The following ESS2 variants were observed in gnomAD, a reference collection of about 807,000 sequenced individuals.
ESS2 encodes ess-2 spliceosome associated protein.
ESS2 carries 31 observed loss-of-function variants against 52.0 expected under a neutral mutation model. That is an observed-to-expected ratio of 0.60 (90% CI 0.45 to 0.81). The LOEUF is 0.81. Among genes scored for constraint, ESS2 ranks in the 30% least tolerant of loss-of-function variants. The pLI, the probability that ESS2 is intolerant of heterozygous loss-of-function variation, is 0.00. For synonymous variants in ESS2, 285 were observed against 259.2 expected (o/e 1.10, Z -0.95); for missense variants, 602 against 637.2 (o/e 0.94, Z 0.59).
In ESS2 at chr22:19,143,022, T is replaced by C. The variant is rs1313585340; in HGVS notation, c.136-128A>G. ...AAGTTCAAGACCAGCCTGGCCAACATGGTGAAACCCAGTCTCTACTAGAAA... is the reference window on the plus strand; with the variant it reads ...AAGTTCAAGACCAGCCTGGCCAACACGGTGAAACCCAGTCTCTACTAGAAA... On this transcript the variant is annotated intron_variant, in intron 1 of 9. Transcript: ENST00000252137. 22 of 891,318 alleles carry C rather than the reference T, an allele frequency of 2.5e-5. No homozygotes were observed. The South Asian group carries it at 2.8e-4, about 11-fold the overall frequency. The allele number at this position is 891,318 out of a possible 1,614,324, so 55.2% of individuals were successfully genotyped here. A position where few individuals can be genotyped will look rare whatever the true frequency, so the allele number is the denominator to read the frequency against.
chr22:19,144,257 ATCT>A (rs1232875033), intron 1 of ESS2: 3 of 1,274,688 alleles, frequency 2.4e-6, no homozygotes, highest in Non-Finnish European at 3.0e-6. Flanking sequence ...TTAACAGAAA[ATCT>A]TCTTTCCCTG....
Position 19,142,659 on chromosome 22 carries a change from T to A in ESS2, c.305-26A>T, listed in dbSNP as rs372931223. The A allele has an allele frequency of 2.9e-5, 47 of 1,610,754 alleles. No homozygotes were observed. In the African/African-American group the frequency reaches 4.7e-4, roughly 16 times the overall value. ...CTAGGGGAAGAGAGGGGGATAAGAATTAGAGTGAGCCTGAAGCGACAGTTC... is the reference window on the plus strand; with the variant it reads ...CTAGGGGAAGAGAGGGGGATAAGAAATAGAGTGAGCCTGAAGCGACAGTTC... On this transcript the variant is annotated intron_variant, in intron 2 of 9. Coordinates refer to ENST00000252137, the MANE Select transcript of ESS2 (RefSeq NM_022719.3).
chr22:19,137,484 C>G, intron 7 of ESS2, 52 bp from the exon 8 acceptor site: 1 of 1,360,664 alleles, frequency 7.3e-7, no homozygotes, highest in Non-Finnish European at 1.0e-6. Context: ...CCCCACCACC[C>G]TCCCCTCCAG....
At position 19,134,162 on chromosome 22, in the gene ESS2, G is replaced by A. The variant is rs920211843; in HGVS notation, c.*34C>T. On this transcript the variant is annotated 3_prime_UTR_variant, in exon 10 of 10. Coordinates refer to ENST00000252137, the MANE Select transcript of ESS2 (RefSeq NM_022719.3). ...GGTGTACAGCTGCCCTGCAGGCTCTGTGAAGCGTCTATGAGCCCAGCCCAG... is the reference window on the plus strand; with the variant it reads ...GGTGTACAGCTGCCCTGCAGGCTCTATGAAGCGTCTATGAGCCCAGCCCAG... 6 of 1,479,648 alleles carry A rather than the reference G, an allele frequency of 4.1e-6. No individual in the cohort carries two copies. The highest frequency in any genetic ancestry group is 5.4e-6 in the Non-Finnish European group (6 of 1,115,184). 91.7% of individuals were successfully genotyped at this position (1,479,648 alleles called of 1,614,324 possible).
chr22:19,131,071 TGCA>T lies in ESS2; in HGVS notation c.*3122_*3124del. 9.9e-5 allele frequency: 28 copies of T among 283,280 alleles called. No individual in the cohort carries two copies. The highest frequency in any genetic ancestry group is 3.3e-4 in the South Asian group (5 of 15,310). The allele number at this position is 283,280 out of a possible 1,614,324, so 17.5% of individuals were successfully genotyped here. A position where few individuals can be genotyped will look rare whatever the true frequency, so the allele number is the denominator to read the frequency against. ...GCTTGACTTGTGACAGGGAAACCAA[TGCA>T]GCAGCAGCAGGGCCACCAGAGTCCT... On this transcript the variant is annotated 3_prime_UTR_variant, in exon 10 of 10. Coordinates refer to ENST00000252137, the MANE Select transcript of ESS2 (RefSeq NM_022719.3). This position sits in a 1 kb window ranked among gnomAD's most constrained non-coding sequence, Gnocchi z 5.7.
At chr22:19,136,220 GGCGTGGTGGCAC>G (rs2083579325) in intron 8 of ESS2, among the ~76,000 whole-genome samples, 1 of 151,402 alleles carries the variant, frequency 6.6e-6, no homozygotes, top group East Asian at 2.0e-4. Flanking sequence ...AAATAAGCCG[GGCGTGGTGGCAC>G]GCGCCTGTAG....
intron 8 of ESS2, 95 bp downstream of exon 8, chr22:19,137,228 G>A (rs1159208961): frequency 1.2e-6 from 1 of 865,708 alleles, no homozygotes; most frequent in Admixed American, 2.6e-5. Context: ...AGCAGCTGGG[G>A]GCCGATCCCA....
chr22:19,137,440 C>T lies in ESS2; in HGVS notation c.926-8G>A. 1.2e-6 allele frequency: 2 copies of T among 1,607,310 alleles called. No homozygotes were observed. Among genetic ancestry groups the T allele is most frequent in the Non-Finnish European group, 1.7e-6 (2 of 1,175,402 alleles). The stretch of plus-strand genomic sequence containing the variant: ...TCGGGGACTCGTTCACACCTGCAGA[C>T]AAAGAGCCCAAAACCACCTCAGGCC... On this transcript the variant is annotated splice_region_variant and splice_polypyrimidine_tract_variant and intron_variant, in intron 7 of 9. Transcript: ENST00000252137.
chr22:19,134,059 C>G lies in ESS2; in HGVS notation c.*137G>C. 9.0e-7 allele frequency: 1 copy of G among 1,110,384 alleles called. No homozygotes were observed. The highest frequency in any genetic ancestry group is 2.8e-5 in the South Asian group (1 of 35,928). The allele number at this position is 1,110,384 out of a possible 1,614,324, so 68.8% of individuals were successfully genotyped here. On this transcript the variant is annotated 3_prime_UTR_variant, in exon 10 of 10. Coordinates refer to ENST00000252137, the MANE Select transcript of ESS2 (RefSeq NM_022719.3). ...TGCCAGTCTGGCCCCAGCACAGCCCCTTTCTCCAGTGACTCCTGGTATGGT... is the reference window on the plus strand; with the variant it reads ...TGCCAGTCTGGCCCCAGCACAGCCCGTTTCTCCAGTGACTCCTGGTATGGT...
Position 19,133,413 on chromosome 22 carries a change from T to C in ESS2, c.*783A>G. On this transcript the variant is annotated 3_prime_UTR_variant, in exon 10 of 10. Transcript: ENST00000252137. ...CAGCCTGATCTGTCCAGCAACCCAC[T>C]GTTATCTGGGAGCTCCTGTTGGTGG... is the stretch of plus-strand genomic sequence containing the variant. 1 of 153,046 alleles carries C rather than the reference T, an allele frequency of 6.5e-6. No individual in the cohort carries two copies. The highest frequency in any genetic ancestry group is 1.5e-5 in the Non-Finnish European group (1 of 68,646). 9.5% of individuals were successfully genotyped at this position (153,046 alleles called of 1,614,324 possible). A position where few individuals can be genotyped will look rare whatever the true frequency, so the allele number is the denominator to read the frequency against.
chr22:19,139,203 G>A lies in ESS2; in HGVS notation c.778C>T (p.Leu260=). ...RFLRDPFSQA[L]SRCQLQQAAA... is the part of the protein sequence containing the mutation. ...GCCTGCTGGAGCTGGCACCTGCTCA[G>A]GGCTTGGCTGAAGGGGTCCCTAAGG... The change falls in exon 6 of 10, where the codon CTG becomes TTG. Residue 260 remains leucine (L), a synonymous_variant. Coordinates refer to ENST00000252137, the MANE Select transcript of ESS2 (RefSeq NM_022719.3). 1 of 1,607,272 alleles carries A rather than the reference G, an allele frequency of 6.2e-7. No homozygotes were observed. The highest frequency in any genetic ancestry group is 8.5e-7 in the Non-Finnish European group (1 of 1,176,664).
In ESS2 at chr22:19,131,356, A is replaced by ACGGGGGGATGTAGACGGCAGC; in HGVS notation, c.*2819_*2839dup. On this transcript the variant is annotated 3_prime_UTR_variant, in exon 10 of 10. Coordinates refer to ENST00000252137, the MANE Select transcript of ESS2 (RefSeq NM_022719.3). The surrounding 1 kb of genome is among the most constrained non-coding windows in gnomAD (Gnocchi z 5.7). ...AGGACAATGCCTGCTGGCCCACATG[A>ACGGGGGGATGTAGACGGCAGC]CGGGGGGATGTAGACGGCAGCGGCG... 6.6e-7 allele frequency: 1 copy of ACGGGGGGATGTAGACGGCAGC among 1,515,572 alleles called. No homozygotes were observed. The highest frequency in any genetic ancestry group is 1.3e-5 in the South Asian group (1 of 79,266). The allele number at this position is 1,515,572 out of a possible 1,614,324, so 93.9% of individuals were successfully genotyped here. A position where few individuals can be genotyped will look rare whatever the true frequency, so the allele number is the denominator to read the frequency against.
At chr22:19,137,624 G>T in intron 7 of ESS2, 192 bp from the exon 8 acceptor site, 1 of 688,220 alleles carries the variant, frequency 1.5e-6, no homozygotes, top group Non-Finnish European at 1.8e-6. Flanking sequence ...CTCCCAGCAG[G>T]CCCGAGGCAG....
rs2083556045 is a variant in ESS2 at position 19,134,957 on chromosome 22, A to C, written c.1151+103T>G. On this transcript the variant is annotated intron_variant, in intron 9 of 9. Coordinates refer to ENST00000252137, the MANE Select transcript of ESS2 (RefSeq NM_022719.3). ...GCAGAACCCCGCGGACCTGCCCTGG[A>C]CTCTGCCGCGTGGGCCATGCCTCCA... The C allele has an allele frequency of 2.7e-6, 3 of 1,108,460 alleles. No individual in the cohort carries two copies. In the Admixed American group the frequency reaches 5.5e-5, roughly 20 times the overall value. 68.7% of individuals were successfully genotyped at this position (1,108,460 alleles called of 1,614,324 possible). A position where few individuals can be genotyped will look rare whatever the true frequency, so the allele number is the denominator to read the frequency against.
intron 3 of ESS2, among the ~76,000 whole-genome samples, chr22:19,140,967 T>C (rs1409260613): frequency 6.6e-6 from 1 of 152,194 alleles, no homozygotes; most frequent in Non-Finnish European, 1.5e-5. Flanking sequence ...TTTACTGGCA[T>C]GTAGGTGTAC....
At chr22:19,137,285 C>T in intron 8 of ESS2, 38 bp downstream of exon 8, 2 of 1,488,926 alleles carry the variant, frequency 1.3e-6, no homozygotes, top group Non-Finnish European at 9.3e-7. Flanking sequence ...GAGGTGTCCA[C>T]CCCGGTCGCA....
Position 19,132,397 on chromosome 22 carries a change from T to A in ESS2, c.*1799A>T, listed in dbSNP as rs766637203. On this transcript the variant is annotated 3_prime_UTR_variant, in exon 10 of 10. Coordinates refer to ENST00000252137, the MANE Select transcript of ESS2 (RefSeq NM_022719.3). The surrounding 1 kb of genome is among the most constrained non-coding windows in gnomAD (Gnocchi z 4.2). The stretch of plus-strand genomic sequence containing the variant: ...GTGGTGCCCGAGAACGAGAACAGGA[T>A]GGAGGACAGGCTGGCCGAGACCTCC... 9 of 1,612,482 alleles carry A rather than the reference T, an allele frequency of 5.6e-6. No homozygotes were observed. The highest frequency in any genetic ancestry group is 8.5e-7 in the Non-Finnish European group (1 of 1,179,894).
At chr22:19,140,074 A>C in intron 3 of ESS2, 50 bp from the exon 4 acceptor site, 1 of 1,598,130 alleles carries the variant, frequency 6.3e-7, no homozygotes, top group Non-Finnish European at 8.5e-7. Context: ...GCAGTCAGGA[A>C]AGAGGAGGAC....
intron 3 of ESS2, among the ~76,000 whole-genome samples, chr22:19,140,576 T>A (rs2083668292): frequency 6.6e-6 from 1 of 152,136 alleles, no homozygotes; most frequent in African/African-American, 2.4e-5. Flanking sequence ...TCACAGGTGC[T>A]AAGCCACAAC....
Sources: gnomAD v4.1 joint callset for allele counts (sites outside exome capture counted in the v4.1 genomes callset) on GRCh38, gnomAD v4.1.1 for gene constraint, Gnocchi (gnomAD v3.1) non-coding constraint, MANE v1.5 for transcripts, NCBI Gene and HGNC (gene_info 2026-07-23, HGNC 2026-07-21) for gene names.